Variants in PHKA1 observed in about 807,000 individuals in gnomAD.
PHKA1 encodes phosphorylase b kinase regulatory subunit alpha, skeletal muscle isoform.
A neutral mutation model predicts 110.2 loss-of-function variants in PHKA1; 60 were observed. The ratio of observed to expected loss-of-function variants is 0.54; its 90% CI spans 0.44 to 0.68. PHKA1 has a LOEUF of 0.68. Ranked by LOEUF, PHKA1 falls within the 30% of genes least tolerant of loss-of-function variation. The probability of loss-of-function intolerance (pLI) is 0.00; values close to 1 mark genes in which losing one functional copy is unlikely to be tolerated. For synonymous variants in PHKA1, 316 were observed against 333.6 expected, an observed-to-expected ratio of 0.95 and a Z score of 0.58; for missense variants, 801 against 942.5, an observed-to-expected ratio of 0.85 and a Z score of 1.97.
In PHKA1 at chrX:72,714,001, C is replaced by A. The variant is rs984579241; in HGVS notation, c.-121G>T. Reference sequence around the variant, plus strand: ...GTGGTGGGACGCCTGAACACCAGGCCCCGCAGAGCCCTCCCACCGCTCAGG... The same window carrying A: ...GTGGTGGGACGCCTGAACACCAGGCACCGCAGAGCCCTCCCACCGCTCAGG... On this transcript the variant is annotated 5_prime_UTR_variant, in exon 1 of 32. Coordinates refer to ENST00000373542, the MANE Select transcript of PHKA1 (RefSeq NM_002637.4). The A allele has an allele frequency of 2.1e-5, 12 of 563,862 alleles. No individual in the cohort carries two copies. Among genetic ancestry groups the A allele is most frequent in the Admixed American group, 2.7e-5 (1 of 37,592 alleles). 46.5% of individuals were successfully genotyped at this position (563,862 alleles called of 1,213,427 possible). A position where few individuals can be genotyped will look rare whatever the true frequency, so the allele number is the denominator to read the frequency against.
At chrX:72,628,056 C>T (rs2053109691) in intron 16 of PHKA1, among the ~76,000 whole-genome samples, 1 of 109,955 alleles carries the variant, frequency 9.1e-6, no homozygotes, top group Admixed American at 9.7e-5. Flanking sequence ...GTCTCAATCT[C>T]CTGATTTCGT....
chrX:72,580,540 A>G lies in PHKA1; in HGVS notation c.*462T>C, dbSNP rs186401922. 87 of 127,369 alleles carry G rather than the reference A, an allele frequency of 6.8e-4. No individual in the cohort carries two copies. Among genetic ancestry groups the G allele is most frequent in the African/African-American group, 2.6e-3 (82 of 31,248 alleles). The allele number at this position is 127,369 out of a possible 1,213,427, so 10.5% of individuals were successfully genotyped here. A position where few individuals can be genotyped will look rare whatever the true frequency, so the allele number is the denominator to read the frequency against. Reference sequence around the variant, plus strand: ...TAATTTATAGCAGCATAAATATTTAACAATTTAGAGTTTACTCATTTGAAA... The same window carrying G: ...TAATTTATAGCAGCATAAATATTTAGCAATTTAGAGTTTACTCATTTGAAA... On this transcript the variant is annotated 3_prime_UTR_variant, in exon 32 of 32. Transcript: ENST00000373542.
At chrX:72,600,254 A>G (rs2052641818) in intron 28 of PHKA1, among the ~76,000 whole-genome samples, 1 of 111,004 alleles carries the variant, frequency 9.0e-6, no homozygotes, top group African/African-American at 3.3e-5. Flanking sequence ...TTGAAAACCT[A>G]TAGGTAGTGA....
At chrX:72,611,695 C>T (rs2052812208) in intron 21 of PHKA1, among the ~76,000 whole-genome samples, 1 of 112,032 alleles carries the variant, frequency 8.9e-6, no homozygotes, top group Admixed American at 9.5e-5. Context: ...AAAAGGTGCT[C>T]AACCTCACTC....
intron 28 of PHKA1, among the ~76,000 whole-genome samples, chrX:72,600,388 C>T (rs941488719): frequency 3.6e-5 from 4 of 111,671 alleles, no homozygotes; most frequent in Non-Finnish European, 7.5e-5. Flanking sequence ...TACTGAGTGA[C>T]TATCAACAAT....
chrX:72,684,408 G>A (rs781931288), intron 5 of PHKA1, 90 bp downstream of exon 5: 2 of 604,157 alleles, frequency 3.3e-6, no homozygotes, highest in African/African-American at 4.4e-5. Context: ...TTCACTATGA[G>A]CAGTAGCATT....
intron 4 of PHKA1, among the ~76,000 whole-genome samples, chrX:72,689,164 A>G (rs2054003827): frequency 8.9e-6 from 1 of 112,465 alleles, no homozygotes; most frequent in African/African-American, 3.2e-5. Flanking sequence ...TCTCATTTTT[A>G]GAAACAACCT....
chrX:72,625,509 C>G (rs1442156921), intron 17 of PHKA1, among the ~76,000 whole-genome samples: 4 of 111,620 alleles, frequency 3.6e-5, no homozygotes, highest in African/African-American at 1.3e-4. Flanking sequence ...AACAAGTCCA[C>G]CATAGGTGGG....
At chrX:72,583,923 A>G (rs1409006935) in intron 30 of PHKA1, among the ~76,000 whole-genome samples, 1 of 112,324 alleles carries the variant, frequency 8.9e-6, no homozygotes, top group Non-Finnish European at 1.9e-5. Context: ...CCTACTAGAG[A>G]AAGGTAGGAA....
At chrX:72,713,462 A>T (rs1434686737) in intron 1 of PHKA1, among the ~76,000 whole-genome samples, 3 of 111,623 alleles carry the variant, frequency 2.7e-5, no homozygotes, top group Non-Finnish European at 3.8e-5. Flanking sequence ...TGTGGGTATT[A>T]TTAAAGGCAC....
chrX:72,622,929 A>C, intron 18 of PHKA1, 180 bp downstream of exon 18: 2 of 753,893 alleles, frequency 2.7e-6, no homozygotes, highest in Non-Finnish European at 3.1e-6. Context: ...TACCGCAGGA[A>C]TATTAGACCA....
At chrX:72,622,743 T>A in intron 18 of PHKA1, 6 of 740,885 alleles carry the variant, frequency 8.1e-6, no homozygotes, top group Non-Finnish European at 9.6e-6. Context: ...TTTTTATGCT[T>A]TTTAATGTCA....
At chrX:72,634,462 A>G (rs2053204430) in intron 16 of PHKA1, among the ~76,000 whole-genome samples, 1 of 110,507 alleles carries the variant, frequency 9.0e-6, no homozygotes, top group South Asian at 3.9e-4. Flanking sequence ...GGAGAAACAC[A>G]GAAAGGAAGC....
chrX:72,671,966 C>T (rs782701469), intron 6 of PHKA1, among the ~76,000 whole-genome samples: 1 of 112,103 alleles, frequency 8.9e-6, no homozygotes, highest in South Asian at 3.7e-4. Flanking sequence ...AAATGTTAGA[C>T]CTAAAACCAT....
Position 72,579,132 on chromosome X carries a change from A to C in PHKA1, c.*1870T>G, listed in dbSNP as rs2052301249. 1 of 112,104 alleles carries C rather than the reference A, an allele frequency of 8.9e-6. No homozygotes were observed. Among genetic ancestry groups the C allele is most frequent in the African/African-American group, 3.2e-5 (1 of 30,808 alleles). The allele number at this position is 112,104 out of a possible 1,213,427, so 9.2% of individuals were successfully genotyped here. ...GATATACTCCCTGAGATTGGGGTAC[A>C]CTTACAACCAGTGAAAAGACAAATA... is the stretch of plus-strand genomic sequence containing the variant. On this transcript the variant is annotated 3_prime_UTR_variant, in exon 32 of 32. Coordinates refer to ENST00000373542, the MANE Select transcript of PHKA1 (RefSeq NM_002637.4).
intron 22 of PHKA1, among the ~76,000 whole-genome samples, chrX:72,610,234 A>ATT (rs781815662): frequency 9.1e-6 from 1 of 110,435 alleles, no homozygotes; most frequent in African/African-American, 3.3e-5. Context: ...ATCTAGTTGT[A>ATT]TTTTCATGCC....
At position 72,673,616 on chromosome X, in the gene PHKA1, A is replaced by G. The variant is rs375455013; in HGVS notation, c.618+2454T>C. ...AAACAAGTTGTAATAACATGTTCTC[A>G]ATATTTGTTTCCAAAGGTATTTCTC... On this transcript the variant is annotated intron_variant, in intron 6 of 31. Coordinates refer to ENST00000373542, the MANE Select transcript of PHKA1 (RefSeq NM_002637.4). Among the ~76,000 whole-genome samples the G allele has an allele frequency of 3.6e-4, 40 of 110,970 alleles. No homozygotes were observed. In the South Asian group the frequency reaches 8.1e-3, roughly 23 times the overall value.
intron 4 of PHKA1, among the ~76,000 whole-genome samples, chrX:72,689,284 C>G (rs2147816436): frequency 8.9e-6 from 1 of 112,043 alleles, no homozygotes; most frequent in South Asian, 3.8e-4. Context: ...TGTCATCACT[C>G]CAAAAGAAAC....
chrX:72,650,563 C>T (rs2053417779), intron 12 of PHKA1, 95 bp from the exon 13 acceptor site: 1 of 676,581 alleles, frequency 1.5e-6, no homozygotes. Context: ...AACCTTGCAC[C>T]ATAACATTCA....
Sources: allele counts gnomAD v4.1 joint callset (sites outside exome capture counted in the v4.1 genomes callset), GRCh38; gene constraint gnomAD v4.1.1; transcripts MANE v1.5; gene names NCBI Gene and HGNC (gene_info 2026-07-23, HGNC 2026-07-21).